Variants in SCUBE2 observed in about 807,000 individuals in gnomAD.
The protein encoded by SCUBE2 is signal peptide, CUB domain and EGF like domain containing 2.
Under a neutral mutation model 125.9 loss-of-function variants are expected in SCUBE2, and 114 were observed. The ratio of observed to expected loss-of-function variants is 0.91; its 90% CI spans 0.78 to 1.06. SCUBE2 has a LOEUF of 1.06. Among genes scored for constraint, SCUBE2 ranks in the 50% least tolerant of loss-of-function variants. The probability of loss-of-function intolerance (pLI) is 0.00; values close to 1 mark genes in which losing one functional copy is unlikely to be tolerated. For synonymous variants in SCUBE2, 459 were observed against 492.9 expected, an observed-to-expected ratio of 0.93 and a Z score of 0.91; for missense variants, 1,255 against 1,301.8, an observed-to-expected ratio of 0.96 and a Z score of 0.55.
intron 16 of SCUBE2, among the ~76,000 whole-genome samples, chr11:9,040,983 C>G (rs975082562): frequency 6.6e-6 from 1 of 152,152 alleles, no homozygotes; most frequent in Non-Finnish European, 1.5e-5. Flanking sequence ...GAGACAGAAA[C>G]AGTTACGATT....
At chr11:9,053,907 C>T (rs570508694) in intron 10 of SCUBE2, 148 bp from the exon 11 acceptor site, 34 of 905,134 alleles carry the variant, frequency 3.8e-5, no homozygotes, top group East Asian at 5.5e-5. Context: ...CATGAGCGCT[C>T]GGCACCAGCT....
At position 9,060,529 on chromosome 11, in the gene SCUBE2, C is replaced by A; in HGVS notation, c.851-5G>T. 1 of 1,611,854 alleles carries A rather than the reference C, an allele frequency of 6.2e-7. No individual in the cohort carries two copies. Reference sequence around the variant, plus strand: ...CATTGTTGACAGCACACGTTTCTGGCAAGGAGGTAAGAAAAGACAATTAGC... The same window carrying A: ...CATTGTTGACAGCACACGTTTCTGGAAAGGAGGTAAGAAAAGACAATTAGC... On this transcript the variant is annotated splice_region_variant and splice_polypyrimidine_tract_variant and intron_variant, in intron 7 of 22. Transcript: ENST00000649792.
At chr11:9,074,452 T>C (rs1156529184) in intron 4 of SCUBE2, 29 bp downstream of exon 4, 1 of 1,613,166 alleles carries the variant, frequency 6.2e-7, no homozygotes, top group South Asian at 1.1e-5. Flanking sequence ...GATGTGGCTC[T>C]GCCCCCATCC....
chr11:9,053,644 G>A lies in SCUBE2; in HGVS notation c.1323C>T (p.Asp441=). ...PGYKLHWNKK[D]CVEVKGLLPT... ...TGCCTCGGTTCCCCTTACCCACACA[G>A]TCTTTTTTATTCCAGTGGAGCTTGT... Residue 441 remains aspartate (D), a synonymous_variant, in exon 11 of 23, where the codon GAC becomes GAT. Coordinates refer to ENST00000649792, the MANE Select transcript of SCUBE2 (RefSeq NM_001367977.2). 1 of 1,614,034 alleles carries A rather than the reference G, an allele frequency of 6.2e-7. No homozygotes were observed. The highest frequency in any genetic ancestry group is 8.5e-7 in the Non-Finnish European group (1 of 1,179,946).
At chr11:9,083,657 C>T (rs1257657304) in intron 2 of SCUBE2, among the ~76,000 whole-genome samples, 3 of 151,492 alleles carry the variant, frequency 2.0e-5, no homozygotes, top group Non-Finnish European at 4.4e-5. Context: ...CAGGTTCAAG[C>T]GATTCTCCTG....
At chr11:9,076,972 G>T (rs1478439948) in intron 3 of SCUBE2, among the ~76,000 whole-genome samples, 1 of 152,192 alleles carries the variant, frequency 6.6e-6, no homozygotes, top group East Asian at 1.9e-4. Flanking sequence ...CTCCTGGATT[G>T]GCTGCGAGTA....
intron 16 of SCUBE2, 48 bp from the exon 17 acceptor site, chr11:9,033,844 G>C: frequency 6.3e-7 from 1 of 1,592,650 alleles, no homozygotes; most frequent in South Asian, 1.1e-5. Flanking sequence ...AAAGGCCAAG[G>C]AAGGATGATG....
At position 9,021,941 on chromosome 11, in the gene SCUBE2, G is replaced by A; in HGVS notation, c.2869C>T (p.Leu957Phe). 5 of 1,612,502 alleles carry A rather than the reference G, an allele frequency of 3.1e-6. No homozygotes were observed. Among genetic ancestry groups the A allele is most frequent in the Non-Finnish European group, 4.2e-6 (5 of 1,178,502 alleles). The change falls in exon 22 of 23, where the codon CTC becomes TTC. Residue 957 changes from leucine (L) to phenylalanine (F), a missense_variant. Leu to Phe is a conservative substitution (Grantham distance 22). Transcript: ENST00000649792. ...YVTYDEDYQE[L>F]IEDIVRDGRL... The stretch of plus-strand genomic sequence containing the variant: ...CCATCTCGAACTATGTCTTCAATGA[G>A]TTCCTGGTAGTCCTCTGTTGGAATA...
At chr11:9,074,215 T>A (rs1443007053) in intron 4 of SCUBE2, among the ~76,000 whole-genome samples, 2 of 152,196 alleles carry the variant, frequency 1.3e-5, no homozygotes, top group African/African-American at 4.8e-5. Context: ...TGAAATGTAT[T>A]CTATGTAAAG....
chr11:9,072,940 AGCCAGG>A (rs755593020), intron 4 of SCUBE2, among the ~76,000 whole-genome samples: 1 of 152,224 alleles, frequency 6.6e-6, no homozygotes, highest in Non-Finnish European at 1.5e-5. Context: ...AGTGGGGCTG[AGCCAGG>A]GCTCTGGAAG....
chr11:9,026,133 C>T (rs1203473193), intron 20 of SCUBE2: 4 of 287,372 alleles, frequency 1.4e-5, no homozygotes, highest in Admixed American at 4.9e-5. Context: ...GTGAGGGCCT[C>T]CCATTCCAGA....
At chr11:9,033,523 A>C in intron 17 of SCUBE2, 103 bp downstream of exon 17, 1 of 1,349,054 alleles carries the variant, frequency 7.4e-7, no homozygotes. Flanking sequence ...GCTTGTAGGA[A>C]GCCCCGGGTG....
intron 7 of SCUBE2, among the ~76,000 whole-genome samples, chr11:9,061,571 G>GAAAAAAAAAAAAAA (rs11301303): frequency 9.9e-6 from 1 of 101,130 alleles, no homozygotes. Flanking sequence ...GAAAAGAAAA[G>GAAAAAAAAAAAAAA]AAAAAAAAAA....
At chr11:9,065,424 G>C (rs1860117404) in intron 7 of SCUBE2, among the ~76,000 whole-genome samples, 1 of 152,034 alleles carries the variant, frequency 6.6e-6, no homozygotes, top group African/African-American at 2.4e-5. Flanking sequence ...CTTCCCCTTT[G>C]CCTTCCACCA....
chr11:9,088,253 C>T lies in SCUBE2; in HGVS notation c.256+1454G>A, dbSNP rs12793006. On this transcript the variant is annotated intron_variant, in intron 2 of 22. Coordinates refer to ENST00000649792, the MANE Select transcript of SCUBE2 (RefSeq NM_001367977.2). ...CTGTAATCCCAACACTTCGGGAGGCCGAGGCCAGTGGATCACCTGAGGTCA... is the reference window on the plus strand; with the variant it reads ...CTGTAATCCCAACACTTCGGGAGGCTGAGGCCAGTGGATCACCTGAGGTCA... Among the ~76,000 whole-genome samples, 816 of 152,300 alleles carry T rather than the reference C, an allele frequency of 5.4e-3. 4 individuals are homozygous for T. Among genetic ancestry groups the T allele is most frequent in the Middle Eastern group, 6.8e-3 (2 of 294 alleles).
rs563370408 is a variant in SCUBE2 at position 9,045,771 on chromosome 11, T to C, written c.2002+1585A>G. 3.3e-4 allele frequency among the ~76,000 whole-genome samples: 51 copies of C among 152,256 alleles called. 1 individual carries two copies. The South Asian group carries it at 8.5e-3, about 25-fold the overall frequency. The stretch of plus-strand genomic sequence containing the variant: ...AGCAAGAGGGAATGTCACTGGTAAC[T>C]GCTTGAGCCGTTTTCTCTGCATGGT... On this transcript the variant is annotated intron_variant, in intron 16 of 22. Transcript: ENST00000649792.
chr11:9,090,166 T>C (rs1221785896), intron 1 of SCUBE2: 1 of 187,632 alleles, frequency 5.3e-6, no homozygotes, highest in African/African-American at 2.3e-5. Context: ...CAGGCAGGGT[T>C]GTCACTGTTT....
At chr11:9,052,586 G>A (rs962033585) in intron 13 of SCUBE2, among the ~76,000 whole-genome samples, 160 bp downstream of exon 13, 1 of 152,140 alleles carries the variant, frequency 6.6e-6, no homozygotes, top group East Asian at 1.9e-4. Context: ...GTCACATTCC[G>A]GGCACCAGGA....
At chr11:9,032,591 G>A (rs905761170) in intron 17 of SCUBE2, among the ~76,000 whole-genome samples, 2 of 152,140 alleles carry the variant, frequency 1.3e-5, no homozygotes, top group Non-Finnish European at 2.9e-5. Flanking sequence ...AATTTAGCAG[G>A]GCATGGTGGC....
Sources: gnomAD v4.1 joint callset for allele counts (sites outside exome capture counted in the v4.1 genomes callset) on GRCh38, gnomAD v4.1.1 for gene constraint, MANE v1.5 for transcripts, NCBI Gene and HGNC (gene_info 2026-07-23, HGNC 2026-07-21) for gene names.